The following PRKCA variants were observed in gnomAD, a reference collection of about 807,000 sequenced individuals.
PRKCA encodes the protein protein kinase C alpha.
PRKCA carries 27 observed loss-of-function variants against 87.0 expected under a neutral mutation model. The ratio of observed to expected loss-of-function variants is 0.31; its 90% CI spans 0.23 to 0.43. The LOEUF (loss-of-function observed/expected upper bound fraction) is 0.43. Ranked by LOEUF, PRKCA falls within the 20% of genes least tolerant of loss-of-function variation. The pLI, the probability that PRKCA is intolerant of heterozygous loss-of-function variation, is 1.00. For missense variants in PRKCA, 518 were observed against 852.3 expected (o/e 0.61, Z 4.88); for synonymous variants, 329 against 311.1 (o/e 1.06, Z -0.61).
chr17:66,696,883 A>G (rs1972937029), intron 8 of PRKCA, among the ~76,000 whole-genome samples: 1 of 152,184 alleles, frequency 6.6e-6, no homozygotes, highest in Admixed American at 6.5e-5. Context: ...ACTTGAGTGC[A>G]TACGTGATCG....
At chr17:66,421,377 T>C (rs1407708701) in intron 2 of PRKCA, among the ~76,000 whole-genome samples, 1 of 151,482 alleles carries the variant, frequency 6.6e-6, no homozygotes, top group African/African-American at 2.4e-5. Flanking sequence ...TTTGACCACT[T>C]ACCTCTATTG....
At chr17:66,525,504 C>G (rs983631236) in intron 3 of PRKCA, among the ~76,000 whole-genome samples, 1 of 152,150 alleles carries the variant, frequency 6.6e-6, no homozygotes, top group Non-Finnish European at 1.5e-5. Context: ...CCCAGCTGTA[C>G]ACGTGTTTTG....
intron 5 of PRKCA, among the ~76,000 whole-genome samples, chr17:66,658,175 C>T (rs1178501516): frequency 6.6e-6 from 1 of 152,016 alleles, no homozygotes; most frequent in Non-Finnish European, 1.5e-5. Context: ...AGGGGAAAGC[C>T]CCTTATAAAA....
intron 8 of PRKCA, among the ~76,000 whole-genome samples, chr17:66,716,619 A>T (rs1257516725): frequency 1.3e-5 from 2 of 152,192 alleles, no homozygotes. Flanking sequence ...CACCAAGATT[A>T]GCGATCCTAA....
rs550991289 is a variant in PRKCA at position 66,373,614 on chromosome 17, A to G, written c.205+67487A>G. Reference sequence around the variant, plus strand: ...TCTTCCAACAGCCAGTTATTAAGTCAACCAACAAATAATTCTAATGGCTTC... The same window carrying G: ...TCTTCCAACAGCCAGTTATTAAGTCGACCAACAAATAATTCTAATGGCTTC... On this transcript the variant is annotated intron_variant, in intron 2 of 16. Transcript: ENST00000413366. 1.2e-4 allele frequency among the ~76,000 whole-genome samples: 19 copies of G among 152,338 alleles called. No individual in the cohort carries two copies. In the South Asian group the frequency reaches 1.4e-3, roughly 12 times the overall value.
chr17:66,422,014 G>A (rs1912524426), intron 2 of PRKCA, among the ~76,000 whole-genome samples: 1 of 151,994 alleles, frequency 6.6e-6, no homozygotes, highest in African/African-American at 2.4e-5. Flanking sequence ...GGTTTTGTCT[G>A]GAGCTTCTCT....
intron 3 of PRKCA, among the ~76,000 whole-genome samples, chr17:66,521,409 C>T (rs1412846030): frequency 2.0e-5 from 3 of 152,174 alleles, no homozygotes; most frequent in South Asian, 2.1e-4. Context: ...GGATAATGGT[C>T]GTGCATGGCC....
intron 2 of PRKCA, among the ~76,000 whole-genome samples, chr17:66,368,358 G>GTGTATATATATATATA (rs1908864169): frequency 2.3e-5 from 1 of 42,572 alleles, no homozygotes; most frequent in African/African-American, 9.5e-5. Context: ...GTGTGTGTGT[G>GTGTATATATATATATA]TATATGTATA....
intron 3 of PRKCA, among the ~76,000 whole-genome samples, chr17:66,507,327 A>T (rs555222565): frequency 6.6e-6 from 1 of 152,316 alleles, no homozygotes; most frequent in Non-Finnish European, 1.5e-5. Context: ...GTGCAGTAGT[A>T]AGTGGAGCAC....
intron 5 of PRKCA, among the ~76,000 whole-genome samples, chr17:66,668,919 A>G (rs769242039): frequency 6.6e-5 from 10 of 152,108 alleles, no homozygotes; most frequent in Non-Finnish European, 1.3e-4. Context: ...CCTGGGCAAC[A>G]TAGCAAGTTC....
chr17:66,753,438 G>A (rs117824782), intron 13 of PRKCA, among the ~76,000 whole-genome samples: 1,800 of 152,312 alleles, frequency 0.012, 20 homozygotes, highest in Non-Finnish European at 0.019. Flanking sequence ...GCAGGTTGGG[G>A]TGCTATGATG....
intron 15 of PRKCA, among the ~76,000 whole-genome samples, chr17:66,787,735 C>T (rs1975436938): frequency 6.6e-6 from 1 of 152,126 alleles, no homozygotes; most frequent in African/African-American, 2.4e-5. Context: ...TAACCTGCCC[C>T]CCAACTTTGG....
intron 2 of PRKCA, among the ~76,000 whole-genome samples, chr17:66,337,614 G>T (rs535710004): frequency 6.6e-6 from 1 of 151,880 alleles, no homozygotes; most frequent in African/African-American, 2.4e-5. Flanking sequence ...TCAAACTCCC[G>T]GTCTTAAGCA....
intron 2 of PRKCA, among the ~76,000 whole-genome samples, chr17:66,375,296 C>T (rs1909359642): frequency 6.6e-6 from 1 of 152,156 alleles, no homozygotes; most frequent in Non-Finnish European, 1.5e-5. Context: ...TATTTATTGC[C>T]TGTCACCCGG....
At chr17:66,491,499 G>A (rs182976490) in intron 2 of PRKCA, among the ~76,000 whole-genome samples, 29 of 152,286 alleles carry the variant, frequency 1.9e-4, no homozygotes, top group African/African-American at 6.5e-4. Context: ...CTTCTACCAA[G>A]GTCAGGCAGA....
At chr17:66,741,253 A>G (rs1404090757) in intron 11 of PRKCA, among the ~76,000 whole-genome samples, 2 of 152,252 alleles carry the variant, frequency 1.3e-5, no homozygotes, top group African/African-American at 4.8e-5. Context: ...TTTGCCTTCC[A>G]GGGAGTAATT....
chr17:66,797,232 A>C (rs1233250129), intron 16 of PRKCA, among the ~76,000 whole-genome samples: 1 of 152,210 alleles, frequency 6.6e-6, no homozygotes. Context: ...GGCTGTGAGC[A>C]ATGTGTTTGC....
chr17:66,791,467 G>T (rs1194240372), intron 16 of PRKCA, among the ~76,000 whole-genome samples: 1 of 152,224 alleles, frequency 6.6e-6, no homozygotes, highest in Non-Finnish European at 1.5e-5. Context: ...GAAGCACGTG[G>T]CTGCAGGGAG....
chr17:66,775,009 G>A lies in PRKCA; in HGVS notation c.1605+942G>A, dbSNP rs1223479932. The A allele has an allele frequency of 1.3e-5, 13 of 985,302 alleles. No homozygotes were observed. In the Admixed American group the frequency reaches 2.5e-4, roughly 19 times the overall value. The allele number at this position is 985,302 out of a possible 1,614,324, so 61.0% of individuals were successfully genotyped here. A position where few individuals can be genotyped will look rare whatever the true frequency, so the allele number is the denominator to read the frequency against. On this transcript the variant is annotated intron_variant, in intron 14 of 16. Coordinates refer to ENST00000413366, the MANE Select transcript of PRKCA (RefSeq NM_002737.3). The stretch of plus-strand genomic sequence containing the variant: ...AATATCTGTGTCATCAGGGTGAATC[G>A]TACTATCTGCCACTTCTAGGCCTGG...
Sources: allele counts gnomAD v4.1 joint callset (sites outside exome capture counted in the v4.1 genomes callset), GRCh38; gene constraint gnomAD v4.1.1; transcripts MANE v1.5; gene names NCBI Gene and HGNC (gene_info 2026-07-23, HGNC 2026-07-21).